POC1A: variants seen among roughly 807,000 people sequenced by gnomAD.
POC1A encodes POC1 centriolar protein A.
In POC1A, 34 loss-of-function variants were observed where a neutral mutation model predicts 47.8. The ratio of observed to expected loss-of-function variants is 0.71; its 90% CI spans 0.54 to 0.95. The LOEUF is 0.95. Among genes scored for constraint, POC1A ranks in the 40% least tolerant of loss-of-function variants. The pLI, the probability that POC1A is intolerant of heterozygous loss-of-function variation, is 0.00. For synonymous variants in POC1A, 177 were observed against 207.6 expected, an observed-to-expected ratio of 0.85 and a Z score of 1.27; for missense variants, 466 against 528.3, an observed-to-expected ratio of 0.88 and a Z score of 1.16.
intron 10 of POC1A, among the ~76,000 whole-genome samples, chr3:52,077,921 G>A (rs1169057422): frequency 1.3e-5 from 2 of 152,094 alleles, no homozygotes; most frequent in African/African-American, 4.8e-5. Flanking sequence ...TCCATAGGGG[G>A]CCCATACTTC....
intron 9 of POC1A, among the ~76,000 whole-genome samples, chr3:52,102,458 C>A (rs1410388930): frequency 6.6e-6 from 1 of 152,208 alleles, no homozygotes; most frequent in Non-Finnish European, 1.5e-5. Flanking sequence ...TTTGTCTTCA[C>A]ATGGCATTCA....
intron 7 of POC1A, among the ~76,000 whole-genome samples, chr3:52,134,081 C>T (rs1210802084): frequency 1.3e-5 from 2 of 152,248 alleles, no homozygotes; most frequent in Non-Finnish European, 2.9e-5. Context: ...GGACACAAGC[C>T]GACATAAGCC....
intron 6 of POC1A, among the ~76,000 whole-genome samples, chr3:52,139,153 T>C (rs974216945): frequency 6.6e-6 from 1 of 152,178 alleles, no homozygotes; most frequent in African/African-American, 2.4e-5. Context: ...CTTAACCACA[T>C]TGAGCCTCAG....
At chr3:52,078,778 C>T (rs150815358) in intron 10 of POC1A, among the ~76,000 whole-genome samples, 4 of 152,336 alleles carry the variant, frequency 2.6e-5, no homozygotes, top group Admixed American at 2.0e-4. Flanking sequence ...GGATTACAGG[C>T]GTGAGCCCCT....
chr3:52,112,597 G>A (rs926597507), intron 9 of POC1A, among the ~76,000 whole-genome samples: 2 of 152,092 alleles, frequency 1.3e-5, no homozygotes, highest in Non-Finnish European at 1.5e-5. Context: ...AGCCGAGATC[G>A]CACCACTGCA....
Position 52,130,143 on chromosome 3 carries a change from G to A in POC1A, c.814-4962C>T, listed in dbSNP as rs186701562. Among the ~76,000 whole-genome samples, 393 of 152,260 alleles carry A rather than the reference G, an allele frequency of 2.6e-3. 6 individuals carry two copies. Among genetic ancestry groups the A allele is most frequent in the East Asian group, 3.1e-3 (16 of 5,184 alleles). Reference sequence around the variant, plus strand: ...GCAAACCCACCACCACCTCTCACGCGTTGCAAAATATTTTGTGTTGACTCT... The same window carrying A: ...GCAAACCCACCACCACCTCTCACGCATTGCAAAATATTTTGTGTTGACTCT... On this transcript the variant is annotated intron_variant, in intron 7 of 10. Transcript: ENST00000296484.
chr3:52,134,492 T>C (rs1301584436), intron 7 of POC1A, among the ~76,000 whole-genome samples: 2 of 151,532 alleles, frequency 1.3e-5, no homozygotes, highest in Non-Finnish European at 2.9e-5. Flanking sequence ...ATTAGCCGGG[T>C]GTGGTGGCGG....
intron 4 of POC1A, among the ~76,000 whole-genome samples, chr3:52,147,972 A>G (rs1290379391): frequency 6.6e-6 from 1 of 152,226 alleles, no homozygotes; most frequent in Non-Finnish European, 1.5e-5. Flanking sequence ...GAAAAGAAAA[A>G]AAAAAAGGTG....
At chr3:52,149,485 C>T (rs1168374823) in intron 3 of POC1A, 96 bp from the exon 4 acceptor site, 22 of 1,195,024 alleles carry the variant, frequency 1.8e-5, no homozygotes, top group Non-Finnish European at 2.4e-5. Flanking sequence ...AGCACCCCTC[C>T]CAAAGTCAGT....
chr3:52,114,967 C>T (rs1703510300), intron 9 of POC1A, among the ~76,000 whole-genome samples: 1 of 152,152 alleles, frequency 6.6e-6, no homozygotes. Flanking sequence ...AAGTGAGAGC[C>T]ACAACACATT....
intron 10 of POC1A, among the ~76,000 whole-genome samples, chr3:52,083,170 G>A (rs1702355555): frequency 6.6e-6 from 1 of 152,120 alleles, no homozygotes; most frequent in African/African-American, 2.4e-5. Flanking sequence ...GTTCAGAGAG[G>A]TCTCTGTATG....
chr3:52,081,664 GC>G lies in POC1A; in HGVS notation c.1126-5680del, dbSNP rs368816971. Among the ~76,000 whole-genome samples, 63 of 152,266 alleles carry G rather than the reference GC, an allele frequency of 4.1e-4. 1 individual carries two copies. The South Asian group carries it at 0.013, about 31-fold the overall frequency. ...CAGGGGAGGCAGGAGATGGGGTTGG[GC>G]TCTGCAAGTCATGCCTAGCAGCTTC... On this transcript the variant is annotated intron_variant, in intron 10 of 10. Coordinates refer to ENST00000296484, the MANE Select transcript of POC1A (RefSeq NM_015426.5).
chr3:52,141,892 G>C (rs1454255166), intron 6 of POC1A, among the ~76,000 whole-genome samples: 1 of 152,140 alleles, frequency 6.6e-6, no homozygotes, highest in African/African-American at 2.4e-5. Context: ...CGGGGGTGCA[G>C]GGCTGCACTA....
At position 52,149,918 on chromosome 3, in the gene POC1A, G is replaced by A; in HGVS notation, c.173C>T (p.Thr58Ile). The A allele has an allele frequency of 6.2e-7, 1 of 1,613,976 alleles. No homozygotes were observed. The highest frequency in any genetic ancestry group is 1.1e-5 in the South Asian group (1 of 91,090). The change falls in exon 3 of 11, where the codon ACT (threonine) becomes ATT (isoleucine). Residue 58 changes from threonine to isoleucine, a missense_variant. Transcript: ENST00000296484. ...MKPQSRAYRF[T>I]GHKDAVTCVN... is the part of the protein sequence containing the mutation. ...ACAGGTGACGGCATCCTTGTGGCCAGTGAAGCGGTAGGCGCGTGACTGCGG... is the reference window on the plus strand; with the variant it reads ...ACAGGTGACGGCATCCTTGTGGCCAATGAAGCGGTAGGCGCGTGACTGCGG...
intron 7 of POC1A, among the ~76,000 whole-genome samples, chr3:52,137,163 G>A (rs947239484): frequency 2.6e-5 from 4 of 152,134 alleles, no homozygotes; most frequent in African/African-American, 9.7e-5. Context: ...CTCTGACAGG[G>A]AAGGCAAGGG....
chr3:52,081,408 A>G (rs1461529518), intron 10 of POC1A, among the ~76,000 whole-genome samples: 4 of 152,212 alleles, frequency 2.6e-5, no homozygotes, highest in African/African-American at 9.6e-5. Context: ...GCCCAGGATG[A>G]TAATACGCAG....
Position 52,122,401 on chromosome 3 carries a change from A to T in POC1A, c.959T>A (p.Leu320Gln), listed in dbSNP as rs773522145. Residue 320 changes from leucine (L) to glutamine (Q), a missense_variant, in exon 9 of 11, where the codon CTG (leucine) becomes CAG (glutamine). Physicochemically the swap from Leu to Gln is moderately radical, Grantham distance 113. Coordinates refer to ENST00000296484, the MANE Select transcript of POC1A (RefSeq NM_015426.5). ...TACCAGATTCCCCATGGAGCTGGCC[A>T]GTGTGGCTGGGGGCCTCGGCACTTT... Reference protein sequence around the residue: ...VTKVPRPPATLASSMGNLPEV... With the variant: ...VTKVPRPPATQASSMGNLPEV... The T allele has an allele frequency of 1.9e-6, 3 of 1,608,132 alleles. No individual in the cohort carries two copies. The highest frequency in any genetic ancestry group is 1.7e-6 in the Non-Finnish European group (2 of 1,174,494).
At position 52,084,830 on chromosome 3, in the gene POC1A, G is replaced by A. The variant is rs569241667; in HGVS notation, c.1126-8845C>T. On this transcript the variant is annotated intron_variant, in intron 10 of 10. Transcript: ENST00000296484. The surrounding 1 kb of genome is among the most constrained non-coding windows in gnomAD (Gnocchi z 4.3). ...TCTTATGGGAGCGTCCTCTGAGCTG[G>A]AAGACAGGTGGCATGGAGGTGGACA... 4.6e-5 allele frequency among the ~76,000 whole-genome samples: 7 copies of A among 152,348 alleles called. No homozygotes were observed. Among genetic ancestry groups the A allele is most frequent in the African/African-American group, 1.7e-4 (7 of 41,582 alleles).
intron 10 of POC1A, among the ~76,000 whole-genome samples, chr3:52,087,354 A>G (rs891956613): frequency 2.0e-5 from 3 of 152,192 alleles, no homozygotes; most frequent in Non-Finnish European, 4.4e-5. Flanking sequence ...ACACAAAAAA[A>G]CAATTTCTAA....
Sources: allele counts gnomAD v4.1 joint callset (sites outside exome capture counted in the v4.1 genomes callset), GRCh38; gene constraint gnomAD v4.1.1; non-coding constraint Gnocchi (gnomAD v3.1); transcripts MANE v1.5; gene names NCBI Gene and HGNC (gene_info 2026-07-23, HGNC 2026-07-21).